LPP: variants seen among roughly 807,000 people sequenced by gnomAD.
LPP encodes lipoma-preferred partner.
LPP carries 38 observed loss-of-function variants against 60.4 expected under a neutral mutation model. The ratio of observed to expected loss-of-function variants is 0.63; its 90% CI spans 0.49 to 0.83. The LOEUF (loss-of-function observed/expected upper bound fraction) is 0.83. LPP is among the 40% of genes least tolerant of loss of function. The pLI is 0.00. For missense variants in LPP, 902 were observed against 783.6 expected, an observed-to-expected ratio of 1.15 and a Z score of -1.80; for synonymous variants, 328 against 290.8, an observed-to-expected ratio of 1.13 and a Z score of -1.30.
rs1253824269 is a variant in LPP, at chr3:188,886,741, C to CACACACACACACAT, written c.*12275_*12276insTACACACACACACA. The CACACACACACACAT allele has an allele frequency of 9.5e-6, 2 of 210,338 alleles. No individual in the cohort carries two copies. The highest frequency in any genetic ancestry group is 4.9e-5 in the African/African-American group (2 of 40,548). The allele number at this position is 210,338 out of a possible 1,614,324, so 13.0% of individuals were successfully genotyped here. On this transcript the variant is annotated 3_prime_UTR_variant, in exon 12 of 12. Coordinates refer to ENST00000617246, the MANE Select transcript of LPP (RefSeq NM_001375462.1). The stretch of plus-strand genomic sequence containing the variant: ...CAAAACACACACACACACACATACA[C>CACACACACACACAT]ACACACACACACACACACACACACC...
chr3:188,842,031 T>G (rs1760156489), intron 9 of LPP, among the ~76,000 whole-genome samples: 2 of 152,184 alleles, frequency 1.3e-5, no homozygotes, highest in African/African-American at 4.8e-5. Flanking sequence ...TTGAATACCC[T>G]TTATTTGTTT....
At chr3:188,255,061 G>A (rs1731207675) in intron 2 of LPP, among the ~76,000 whole-genome samples, 1 of 152,212 alleles carries the variant, frequency 6.6e-6, no homozygotes, top group African/African-American at 2.4e-5. Flanking sequence ...CCTTGATGGA[G>A]CTGTGGAAAG....
intron 2 of LPP, among the ~76,000 whole-genome samples, chr3:188,281,854 A>T (rs1200955008): frequency 6.6e-6 from 1 of 152,170 alleles, no homozygotes; most frequent in Non-Finnish European, 1.5e-5. Context: ...TAAAATTTAA[A>T]TTCTTTGTTC....
rs1726733561 is a variant in LPP, at chr3:188,245,786, C to T, written c.-67+20259C>T. Among the ~76,000 whole-genome samples the T allele has an allele frequency of 2.0e-5, 3 of 152,190 alleles. 1 individual carries two copies. Among genetic ancestry groups the T allele is most frequent in the Middle Eastern group, 6.8e-3 (2 of 294 alleles). On this transcript the variant is annotated intron_variant, in intron 2 of 11. Transcript: ENST00000617246. The stretch of plus-strand genomic sequence containing the variant: ...TCCAACTACTGAGCTCGGTGATCCT[C>T]CCACCTCGGCCTTCCAAAGTGCTAA...
chr3:188,608,384 T>C (rs923291813), intron 6 of LPP, among the ~76,000 whole-genome samples: 3 of 152,192 alleles, frequency 2.0e-5, no homozygotes, highest in African/African-American at 4.8e-5. Flanking sequence ...TATCATTCTT[T>C]TGTATGTGTA....
At chr3:188,162,928 T>A (rs959389419) in intron 1 of LPP, among the ~76,000 whole-genome samples, 1 of 152,170 alleles carries the variant, frequency 6.6e-6, no homozygotes, top group South Asian at 2.1e-4. Flanking sequence ...CAGGCACTAT[T>A]TGTTTTCTCC....
chr3:188,523,523 A>G (rs1819595634), intron 5 of LPP, among the ~76,000 whole-genome samples: 1 of 152,256 alleles, frequency 6.6e-6, no homozygotes. Flanking sequence ...GCTTGCTTCA[A>G]CATATTCACT....
intron 4 of LPP, among the ~76,000 whole-genome samples, chr3:188,408,478 G>A (rs1437852951): frequency 5.9e-5 from 9 of 152,178 alleles, no homozygotes; most frequent in Non-Finnish European, 1.0e-4. Flanking sequence ...CTGCAGCACA[G>A]TCCTTGGTCC....
intron 5 of LPP, among the ~76,000 whole-genome samples, chr3:188,491,672 CT>C (rs1465515234): frequency 3.9e-5 from 6 of 152,276 alleles, no homozygotes; most frequent in African/African-American, 1.4e-4. Context: ...TGGGTAGGCT[CT>C]TAGCATGTCA....
chr3:188,283,492 G>A (rs1742830320), intron 2 of LPP, among the ~76,000 whole-genome samples: 1 of 152,184 alleles, frequency 6.6e-6, no homozygotes, highest in Non-Finnish European at 1.5e-5. Context: ...CAGCACTGTT[G>A]AGATCTTAAC....
chr3:188,792,185 TAAC>T (rs915732511), intron 9 of LPP, among the ~76,000 whole-genome samples: 1 of 152,184 alleles, frequency 6.6e-6, no homozygotes, highest in Non-Finnish European at 1.5e-5. Context: ...GGATACGAGT[TAAC>T]AACTTAACGC....
chr3:188,465,829 C>T (rs1174719680), intron 4 of LPP, among the ~76,000 whole-genome samples: 1 of 152,008 alleles, frequency 6.6e-6, no homozygotes, highest in Non-Finnish European at 1.5e-5. Flanking sequence ...TGGTATTTTA[C>T]TTGGTTTTCA....
rs144225282 is a variant in LPP, at chr3:188,517,692, T to G, written c.307-6973T>G. 9.1e-3 allele frequency among the ~76,000 whole-genome samples: 1,380 copies of G among 152,238 alleles called. 17 individuals are homozygous for G. Among genetic ancestry groups the G allele is most frequent in the African/African-American group, 0.032 (1,322 of 41,532 alleles). The stretch of plus-strand genomic sequence containing the variant: ...CGGTGGTAAGAGAAAATGAGGGTGA[T>G]GCAAAGCAGAAACCCCTGATAAAAC... On this transcript the variant is annotated intron_variant, in intron 5 of 11. Transcript: ENST00000617246.
chr3:188,385,739 T>C (rs1485410163), intron 3 of LPP, among the ~76,000 whole-genome samples: 1 of 152,202 alleles, frequency 6.6e-6, no homozygotes, highest in East Asian at 1.9e-4. Flanking sequence ...GCATAGTTTC[T>C]GCCCTAAGGA....
chr3:188,532,422 CTCAATCAA>C (rs145870680), intron 6 of LPP, among the ~76,000 whole-genome samples: 72 of 151,526 alleles, frequency 4.8e-4, no homozygotes, highest in African/African-American at 1.6e-3. Context: ...AAAACTCTGT[CTCAATCAA>C]TCAATCAATC....
At chr3:188,687,193 G>A (rs1254359528) in intron 7 of LPP, among the ~76,000 whole-genome samples, 1 of 152,098 alleles carries the variant, frequency 6.6e-6, no homozygotes. Flanking sequence ...GCTTTATTTT[G>A]CAGATGAGCA....
intron 3 of LPP, among the ~76,000 whole-genome samples, chr3:188,395,764 A>G (rs1484177746): frequency 6.6e-6 from 1 of 152,002 alleles, no homozygotes; most frequent in Non-Finnish European, 1.5e-5. Context: ...AAATTAAAAA[A>G]TTTGCCAGAC....
chr3:188,815,503 G>A (rs1316700560), intron 9 of LPP, among the ~76,000 whole-genome samples: 1 of 147,584 alleles, frequency 6.8e-6, no homozygotes, highest in African/African-American at 2.5e-5. Context: ...CTCTGAGTGA[G>A]ACAAAATAAT....
intron 2 of LPP, among the ~76,000 whole-genome samples, chr3:188,335,178 G>A (rs1197571983): frequency 2.0e-5 from 3 of 152,188 alleles, no homozygotes; most frequent in African/African-American, 7.2e-5. Context: ...TTTATCATGT[G>A]AAGTGTTTAT....
Sources: gnomAD v4.1 joint callset for allele counts (sites outside exome capture counted in the v4.1 genomes callset) on GRCh38, gnomAD v4.1.1 for gene constraint, MANE v1.5 for transcripts, NCBI Gene and HGNC (gene_info 2026-07-23, HGNC 2026-07-21) for gene names.